Variants in MCU observed in about 807,000 individuals in gnomAD.
MCU encodes mitochondrial calcium uniporter.
MCU carries 12 observed loss-of-function variants against 45.2 expected under a neutral mutation model. The ratio of observed to expected loss-of-function variants is 0.27; its 90% CI spans 0.17 to 0.43. The LOEUF is 0.43. Ranked by LOEUF, MCU falls within the 20% of genes least tolerant of loss-of-function variation. The probability of loss-of-function intolerance (pLI) is 1.00; values close to 1 mark genes in which losing one functional copy is unlikely to be tolerated. For synonymous variants in MCU, 160 were observed against 165.1 expected (o/e 0.97, Z 0.24); for missense variants, 324 against 436.7 (o/e 0.74, Z 2.30).
chr10:72,755,498 G>T (rs992951583), intron 1 of MCU, among the ~76,000 whole-genome samples: 1 of 152,296 alleles, frequency 6.6e-6, no homozygotes, highest in African/African-American at 2.4e-5. Flanking sequence ...AATGTTGATG[G>T]TAGAGTGGGG....
intron 1 of MCU, among the ~76,000 whole-genome samples, chr10:72,774,999 C>G (rs969256816): frequency 1.3e-5 from 2 of 151,968 alleles, no homozygotes. Context: ...ATCATCCAGA[C>G]AGAAAAATCA....
chr10:72,868,679 T>A (rs201005434), intron 4 of MCU, 24 bp from the exon 5 acceptor site: 1,779 of 1,609,684 alleles, frequency 1.1e-3, no homozygotes, highest in Non-Finnish European at 1.4e-3. Context: ...ATACATTTTT[T>A]AAAAAATGTA....
chr10:72,828,578 G>T (rs1043272567), intron 1 of MCU, among the ~76,000 whole-genome samples: 6 of 151,756 alleles, frequency 4.0e-5, no homozygotes, highest in Non-Finnish European at 7.4e-5. Context: ...ATTTAGATTT[G>T]ACAATCCTCC....
chr10:72,841,084 T>C (rs1845040884), intron 2 of MCU, among the ~76,000 whole-genome samples: 1 of 152,208 alleles, frequency 6.6e-6, no homozygotes, highest in Non-Finnish European at 1.5e-5. Context: ...AATTGGAAAC[T>C]AACTCATTTT....
At chr10:72,843,651 C>T (rs1845078373) in intron 2 of MCU, among the ~76,000 whole-genome samples, 1 of 152,082 alleles carries the variant, frequency 6.6e-6, no homozygotes, top group Admixed American at 6.6e-5. Flanking sequence ...TTTTTAGCTC[C>T]TTTGGATAAA....
At chr10:72,702,636 T>C (rs1842772250) in intron 1 of MCU, among the ~76,000 whole-genome samples, 1 of 152,178 alleles carries the variant, frequency 6.6e-6, no homozygotes, top group Admixed American at 6.6e-5. Flanking sequence ...ACTTGGGACC[T>C]ACCTGTGAGA....
In MCU at chr10:72,871,359, AT is replaced by A; in HGVS notation, c.658-16del. ...TGGTTTTATGTCAAAATGCCTTATG[AT>A]TATGTGTGCCCAATAGGTACGAATT... On this transcript the variant is annotated splice_polypyrimidine_tract_variant and intron_variant, in intron 5 of 7. Coordinates refer to ENST00000373053, the MANE Select transcript of MCU (RefSeq NM_138357.3). 1.9e-6 allele frequency: 3 copies of A among 1,612,764 alleles called. No homozygotes were observed. The highest frequency in any genetic ancestry group is 2.5e-6 in the Non-Finnish European group (3 of 1,178,744).
At chr10:72,846,681 AT>A (rs1564573136) in intron 2 of MCU, among the ~76,000 whole-genome samples, 3 of 151,964 alleles carry the variant, frequency 2.0e-5, no homozygotes, top group African/African-American at 7.2e-5. Flanking sequence ...ACTTAAAAAA[AT>A]TTTTTTTCTT....
At chr10:72,841,040 A>AT (rs1181741215) in intron 2 of MCU, among the ~76,000 whole-genome samples, 1 of 152,130 alleles carries the variant, frequency 6.6e-6, no homozygotes, top group East Asian at 1.9e-4. Context: ...GATTGTCATC[A>AT]TTTTTTCCAA....
At chr10:72,769,584 T>G (rs1489571853) in intron 1 of MCU, among the ~76,000 whole-genome samples, 1 of 152,288 alleles carries the variant, frequency 6.6e-6, no homozygotes, top group East Asian at 1.9e-4. Flanking sequence ...TGCCTGGCTG[T>G]AGAAGTGTGT....
intron 1 of MCU, among the ~76,000 whole-genome samples, chr10:72,693,879 C>T (rs1465323343): frequency 6.6e-6 from 1 of 152,142 alleles, no homozygotes; most frequent in Non-Finnish European, 1.5e-5. Flanking sequence ...TCCTTAAGTC[C>T]ATATTTTGAT....
chr10:72,764,798 A>C (rs1447513365), intron 1 of MCU, among the ~76,000 whole-genome samples: 1 of 152,186 alleles, frequency 6.6e-6, no homozygotes, highest in South Asian at 2.1e-4. Context: ...GGCTATATTA[A>C]GAGAATAGGA....
intron 2 of MCU, among the ~76,000 whole-genome samples, chr10:72,856,936 CAAAAAAAAAAAAA>C (rs71021541): frequency 1.3e-5 from 1 of 79,686 alleles, no homozygotes; most frequent in Non-Finnish European, 2.4e-5. Flanking sequence ...CAAGATGTCT[CAAAAAAAAAAAAA>C]AAAAAAAAGG....
At chr10:72,755,105 G>A (rs1404083382) in intron 1 of MCU, among the ~76,000 whole-genome samples, 1 of 151,118 alleles carries the variant, frequency 6.6e-6, no homozygotes, top group Admixed American at 6.6e-5. Flanking sequence ...ACTACCTGGG[G>A]TCAAATTCTA....
intron 1 of MCU, among the ~76,000 whole-genome samples, chr10:72,821,767 G>A (rs1332080808): frequency 6.6e-6 from 1 of 152,054 alleles, no homozygotes; most frequent in Non-Finnish European, 1.5e-5. Context: ...AAAGCCCATG[G>A]CAACATCAGA....
intron 1 of MCU, among the ~76,000 whole-genome samples, chr10:72,771,522 G>A (rs945968839): frequency 1.3e-5 from 2 of 152,176 alleles, no homozygotes; most frequent in African/African-American, 4.8e-5. Flanking sequence ...TGTCTTTATA[G>A]TAGACTGATT....
rs1047961227 is a variant in MCU at position 72,886,663 on chromosome 10, C to G, written c.*841C>G. ...GAAAGGGGGTGTTCAGCTGTACTACCAAATCAGGAAGATGTAAGGTTTACA... is the reference window on the plus strand; with the variant it reads ...GAAAGGGGGTGTTCAGCTGTACTACGAAATCAGGAAGATGTAAGGTTTACA... On this transcript the variant is annotated 3_prime_UTR_variant, in exon 8 of 8. Coordinates refer to ENST00000373053, the MANE Select transcript of MCU (RefSeq NM_138357.3). 4 of 152,318 alleles carry G rather than the reference C, an allele frequency of 2.6e-5. No individual in the cohort carries two copies. The highest frequency in any genetic ancestry group is 5.9e-5 in the Non-Finnish European group (4 of 68,038). 9.4% of individuals were successfully genotyped at this position (152,318 alleles called of 1,614,324 possible). A position where few individuals can be genotyped will look rare whatever the true frequency, so the allele number is the denominator to read the frequency against.
intron 1 of MCU, among the ~76,000 whole-genome samples, chr10:72,809,110 G>A (rs1844499384): frequency 6.6e-6 from 1 of 152,190 alleles, no homozygotes; most frequent in South Asian, 2.1e-4. Context: ...GGATATATTA[G>A]AAGGACAAAA....
chr10:72,780,393 G>A (rs944001841), intron 1 of MCU, among the ~76,000 whole-genome samples: 2 of 151,976 alleles, frequency 1.3e-5, no homozygotes, highest in Non-Finnish European at 1.5e-5. Context: ...TTAAAAGGGT[G>A]AATTTTATGG....
Sources: gnomAD v4.1 joint callset for allele counts (sites outside exome capture counted in the v4.1 genomes callset) on GRCh38, gnomAD v4.1.1 for gene constraint, MANE v1.5 for transcripts, NCBI Gene and HGNC (gene_info 2026-07-23, HGNC 2026-07-21) for gene names.